CSMD1: variants seen among roughly 807,000 people sequenced by gnomAD.
CSMD1 encodes CUB and sushi domain-containing protein 1.
A neutral mutation model predicts 417.5 loss-of-function variants in CSMD1; 213 were observed. That is an observed-to-expected ratio of 0.51 (90% confidence interval 0.46 to 0.57). CSMD1 has a LOEUF of 0.57. Among genes scored for constraint, CSMD1 ranks in the 20% least tolerant of loss-of-function variants. CSMD1 has a pLI of 0.00. For missense variants in CSMD1, 6,923 were observed against 4,529.7 expected (o/e 1.53, Z -15.17); for synonymous variants, 2,862 against 1,736.8 (o/e 1.65, Z -16.11).
chr8:3,213,260 C>G (rs1797713926), intron 30 of CSMD1, among the ~76,000 whole-genome samples: 1 of 152,182 alleles, frequency 6.6e-6, no homozygotes, highest in Non-Finnish European at 1.5e-5. Context: ...TAAAATAACC[C>G]TAGAAATGAA....
chr8:4,212,582 G>GA (rs1232550711), intron 3 of CSMD1, among the ~76,000 whole-genome samples: 1 of 151,864 alleles, frequency 6.6e-6, no homozygotes, highest in Non-Finnish European at 1.5e-5. Context: ...ATCAAGGCCT[G>GA]ACATTGTCAG....
chr8:3,935,951 C>A (rs1834568), intron 5 of CSMD1, among the ~76,000 whole-genome samples: 55,184 of 151,876 alleles, frequency 0.36, 10,582 homozygotes, highest in East Asian at 0.47. Flanking sequence ...GCTGTGAATG[C>A]AAAGGAAAAG....
intron 3 of CSMD1, among the ~76,000 whole-genome samples, chr8:4,311,636 T>C (rs1052239472): frequency 6.6e-6 from 1 of 150,992 alleles, no homozygotes; most frequent in East Asian, 2.0e-4. Context: ...GACAGGAGAA[T>C]TGCTTGAACC....
intron 7 of CSMD1, among the ~76,000 whole-genome samples, chr8:3,668,489 G>A (rs1007927203): frequency 6.6e-6 from 1 of 152,160 alleles, no homozygotes; most frequent in African/African-American, 2.4e-5. Flanking sequence ...ATATTACAAG[G>A]AGAACGGAGA....
At chr8:3,301,243 G>T (rs1282181171) in intron 25 of CSMD1, among the ~76,000 whole-genome samples, 1 of 152,062 alleles carries the variant, frequency 6.6e-6, no homozygotes, top group Non-Finnish European at 1.5e-5. Context: ...GTGCAAGGCA[G>T]CGTTTGCAGG....
chr8:4,797,996 G>C (rs1798070939), intron 1 of CSMD1, among the ~76,000 whole-genome samples: 1 of 152,178 alleles, frequency 6.6e-6, no homozygotes, highest in South Asian at 2.1e-4. Flanking sequence ...AATTATTCCA[G>C]CCAAAATCTC....
chr8:3,420,777 T>C (rs1335814261), intron 12 of CSMD1, among the ~76,000 whole-genome samples: 3 of 152,176 alleles, frequency 2.0e-5, no homozygotes, highest in Non-Finnish European at 2.9e-5. Context: ...AACATTCTAT[T>C]ACTTTCACCA....
chr8:4,217,584 G>C (rs1585041590), intron 3 of CSMD1, among the ~76,000 whole-genome samples: 1 of 152,008 alleles, frequency 6.6e-6, no homozygotes, highest in African/African-American at 2.4e-5. Context: ...TGAGCTTGAA[G>C]GGAAACCATT....
intron 4 of CSMD1, among the ~76,000 whole-genome samples, chr8:4,027,296 T>C (rs1009705533): frequency 6.6e-6 from 1 of 151,966 alleles, no homozygotes; most frequent in African/African-American, 2.4e-5. Flanking sequence ...AGAGAGTGAG[T>C]CAGGAGTAGA....
At chr8:4,159,264 T>G (rs148487331) in intron 3 of CSMD1, among the ~76,000 whole-genome samples, 286 of 152,292 alleles carry the variant, frequency 1.9e-3, no homozygotes, top group African/African-American at 6.7e-3. Context: ...CTCATTGGGG[T>G]AGCATTTAGT....
At chr8:4,432,489 G>C (rs945813431) in intron 2 of CSMD1, among the ~76,000 whole-genome samples, 1 of 152,144 alleles carries the variant, frequency 6.6e-6, no homozygotes, top group East Asian at 1.9e-4. Context: ...CCTCCTTGGG[G>C]TGTCTACTAA....
intron 2 of CSMD1, among the ~76,000 whole-genome samples, chr8:4,589,154 G>A (rs1799859737): frequency 6.6e-6 from 1 of 152,062 alleles, no homozygotes; most frequent in Non-Finnish European, 1.5e-5. Context: ...TGCTCTCAAT[G>A]AGAAAAGAAA....
At chr8:4,704,354 T>C (rs1807782953) in intron 1 of CSMD1, among the ~76,000 whole-genome samples, 1 of 152,224 alleles carries the variant, frequency 6.6e-6, no homozygotes, top group Non-Finnish European at 1.5e-5. Flanking sequence ...TGGGACTTGA[T>C]TACAGTACTT....
chr8:4,330,167 G>C (rs899104230), intron 3 of CSMD1, among the ~76,000 whole-genome samples: 1 of 142,546 alleles, frequency 7.0e-6, no homozygotes, highest in African/African-American at 2.5e-5. Context: ...ATATACAACA[G>C]GAACAGAGGT....
chr8:3,085,483 C>T (rs1449746303), intron 49 of CSMD1, among the ~76,000 whole-genome samples: 1 of 152,204 alleles, frequency 6.6e-6, no homozygotes, highest in African/African-American at 2.4e-5. Context: ...TGCATTCTAG[C>T]ATCCCATATA....
intron 3 of CSMD1, among the ~76,000 whole-genome samples, chr8:4,298,118 G>C (rs1322114998): frequency 2.0e-5 from 3 of 151,960 alleles, no homozygotes; most frequent in Admixed American, 6.6e-5. Context: ...AACATCCCAG[G>C]GCACTGGGGA....
At chr8:4,568,230 A>G (rs545864037) in intron 2 of CSMD1, among the ~76,000 whole-genome samples, 7 of 152,240 alleles carry the variant, frequency 4.6e-5, no homozygotes, top group Admixed American at 2.6e-4. Context: ...TGCACCCAAC[A>G]ACACATCATT....
chr8:3,574,058 A>C (rs1314599480), intron 10 of CSMD1, among the ~76,000 whole-genome samples: 1 of 152,206 alleles, frequency 6.6e-6, no homozygotes, highest in Non-Finnish European at 1.5e-5. Flanking sequence ...ATTGCAAACT[A>C]TGTATGCAAA....
At chr8:4,077,294 T>TATATATATATATATATATATATATGG (rs1554439865) in intron 3 of CSMD1, among the ~76,000 whole-genome samples, 8 of 92,486 alleles carry the variant, frequency 8.6e-5, no homozygotes, top group African/African-American at 2.8e-4. Flanking sequence ...TATATATATA[T>TATATATATATATATATATATATATGG]GTGTATATAT....
Sources: gnomAD v4.1 joint callset for allele counts (sites outside exome capture counted in the v4.1 genomes callset) on GRCh38, gnomAD v4.1.1 for gene constraint, MANE v1.5 for transcripts, NCBI Gene and HGNC (gene_info 2026-07-23, HGNC 2026-07-21) for gene names.